EYA1: variants seen among roughly 807,000 people sequenced by gnomAD.
EYA1 encodes protein phosphatase EYA1.
A neutral mutation model predicts 82.0 loss-of-function variants in EYA1; 16 were observed. The observed-to-expected ratio is 0.20, with a 90% CI of 0.13 to 0.30. The LOEUF is 0.30. Ranked by LOEUF, EYA1 falls within the 10% of genes least tolerant of loss-of-function variation. The pLI is 1.00. For synonymous variants in EYA1, 261 were observed against 264.4 expected (o/e 0.99, Z 0.12); for missense variants, 633 against 730.7 (o/e 0.87, Z 1.54).
At chr8:71,294,436 G>A (rs1344314066) in intron 9 of EYA1, among the ~76,000 whole-genome samples, 1 of 150,082 alleles carries the variant, frequency 6.7e-6, no homozygotes, top group African/African-American at 2.5e-5. Flanking sequence ...TCCAGCCTGG[G>A]CGACAAGGAG....
chr8:71,309,423 T>C (rs1046172011), intron 7 of EYA1, among the ~76,000 whole-genome samples: 7 of 149,856 alleles, frequency 4.7e-5, no homozygotes, highest in African/African-American at 1.7e-4. Context: ...ATGAGAAGAG[T>C]GGCAAAGCAA....
intron 9 of EYA1, among the ~76,000 whole-genome samples, chr8:71,278,984 A>G (rs929445625): frequency 2.1e-4 from 32 of 152,296 alleles, no homozygotes; most frequent in African/African-American, 7.5e-4. Flanking sequence ...TAGGTAATTG[A>G]ACTCCTAGCC....
chr8:71,407,966 C>CAG (rs1270823122), intron 2 of EYA1, among the ~76,000 whole-genome samples: 4 of 150,812 alleles, frequency 2.7e-5, no homozygotes, highest in Non-Finnish European at 5.9e-5. Flanking sequence ...TAAGGGCAGC[C>CAG]AGAGAGAAAG....
chr8:71,355,200 A>G (rs1174406046), intron 2 of EYA1, among the ~76,000 whole-genome samples: 2 of 152,228 alleles, frequency 1.3e-5, no homozygotes, highest in Non-Finnish European at 2.9e-5. Flanking sequence ...TGAGACAATG[A>G]CATCTATTAT....
chr8:71,411,938 A>C (rs1309786989), intron 2 of EYA1, among the ~76,000 whole-genome samples: 1 of 151,210 alleles, frequency 6.6e-6, no homozygotes, highest in Non-Finnish European at 1.5e-5. Flanking sequence ...ACGTATGTTT[A>C]TTGCAGCATT....
intron 9 of EYA1, among the ~76,000 whole-genome samples, chr8:71,290,559 A>G (rs1419659091): frequency 6.6e-6 from 1 of 152,152 alleles, no homozygotes; most frequent in Non-Finnish European, 1.5e-5. Context: ...CAGTGTACTA[A>G]AACTGACTCT....
At chr8:71,230,588 G>T (rs1036430463) in intron 12 of EYA1, among the ~76,000 whole-genome samples, 1 of 152,294 alleles carries the variant, frequency 6.6e-6, no homozygotes, top group East Asian at 1.9e-4. Flanking sequence ...CCATACATTA[G>T]CAGGAAGCTA....
intron 2 of EYA1, among the ~76,000 whole-genome samples, chr8:71,372,429 G>C (rs919953840): frequency 3.9e-5 from 6 of 152,008 alleles, no homozygotes; most frequent in Admixed American, 3.3e-4. Context: ...TTCCCAATCA[G>C]GTTAATTTCC....
intron 2 of EYA1, among the ~76,000 whole-genome samples, chr8:71,480,457 T>C (rs1349945730): frequency 6.6e-6 from 1 of 152,170 alleles, no homozygotes; most frequent in East Asian, 1.9e-4. Flanking sequence ...GTTAAATCAC[T>C]TGTACACACG....
rs1238393141 is a variant in EYA1 at position 71,199,259 on chromosome 8, C to T, written c.*81G>A. On this transcript the variant is annotated 3_prime_UTR_variant, in exon 18 of 18. Transcript: ENST00000340726. ...GCGGAAATTGCTAAGTTCTGGAGGC[C>T]GGCGCTGATGCGAGACTGGGGCCTG... The T allele has an allele frequency of 2.6e-5, 27 of 1,029,014 alleles. No individual in the cohort carries two copies. The highest frequency in any genetic ancestry group is 1.7e-4 in the African/African-American group (11 of 63,146). The allele number at this position is 1,029,014 out of a possible 1,614,324, so 63.7% of individuals were successfully genotyped here. A position where few individuals can be genotyped will look rare whatever the true frequency, so the allele number is the denominator to read the frequency against.
intron 2 of EYA1, among the ~76,000 whole-genome samples, chr8:71,463,358 G>T (rs1808510258): frequency 6.6e-6 from 1 of 152,286 alleles, no homozygotes; most frequent in Admixed American, 6.5e-5. Context: ...ACAATAGAAT[G>T]GACTGCCTTG....
intron 2 of EYA1, among the ~76,000 whole-genome samples, chr8:71,374,218 T>A (rs1004757008): frequency 6.6e-6 from 1 of 151,994 alleles, no homozygotes; most frequent in Admixed American, 6.6e-5. Context: ...TGGGAGAAAA[T>A]ATTTACAAAC....
chr8:71,534,185 A>C (rs572022013), intron 2 of EYA1, among the ~76,000 whole-genome samples: 1 of 152,376 alleles, frequency 6.6e-6, no homozygotes, highest in East Asian at 1.9e-4. Flanking sequence ...AGCAGAGTTC[A>C]TAAAAGGTGG....
chr8:71,544,030 C>T (rs930265681), intron 1 of EYA1, among the ~76,000 whole-genome samples: 1 of 152,038 alleles, frequency 6.6e-6, no homozygotes, highest in African/African-American at 2.4e-5. Flanking sequence ...GACTGCAGGA[C>T]TGCAGTCTCA....
intron 12 of EYA1, among the ~76,000 whole-genome samples, chr8:71,232,435 G>A (rs138803196): frequency 3.3e-5 from 5 of 152,330 alleles, no homozygotes; most frequent in Non-Finnish European, 5.9e-5. Flanking sequence ...CGAGTAAAAG[G>A]ACATTTATCA....
intron 2 of EYA1, among the ~76,000 whole-genome samples, chr8:71,406,758 G>A (rs1355299526): frequency 1.3e-5 from 2 of 150,718 alleles, no homozygotes; most frequent in African/African-American, 4.9e-5. Context: ...TAGCACAGCA[G>A]TCTGAGATCA....
chr8:71,231,676 G>A (rs1179471009), intron 12 of EYA1, among the ~76,000 whole-genome samples: 1 of 152,208 alleles, frequency 6.6e-6, no homozygotes, highest in Non-Finnish European at 1.5e-5. Flanking sequence ...TCAGTGCCTA[G>A]CTAGTGTCCA....
At chr8:71,317,230 A>T (rs911322836) in intron 7 of EYA1, among the ~76,000 whole-genome samples, 1 of 152,210 alleles carries the variant, frequency 6.6e-6, no homozygotes, top group Non-Finnish European at 1.5e-5. Flanking sequence ...ACAACCTCCT[A>T]CGTGGCTGAC....
Position 71,283,899 on chromosome 8 carries a change from C to A in EYA1, c.827-12002G>T, listed in dbSNP as rs1818095221. On this transcript the variant is annotated intron_variant, in intron 9 of 17. Transcript: ENST00000340726. ...CCCAGATCTGTTTAGGGATGTATTA[C>A]TGTCCCCAGTTAACAGATAAAAAGA... Among the ~76,000 whole-genome samples the A allele has an allele frequency of 1.3e-5, 2 of 152,204 alleles. 1 individual carries two copies.
Sources: allele counts gnomAD v4.1 joint callset (sites outside exome capture counted in the v4.1 genomes callset), GRCh38; gene constraint gnomAD v4.1.1; transcripts MANE v1.5; gene names NCBI Gene and HGNC (gene_info 2026-07-23, HGNC 2026-07-21).